Variants in EXOSC7 observed in about 807,000 individuals in gnomAD.
The protein encoded by EXOSC7 is exosome component 7.
Under a neutral mutation model 34.3 loss-of-function variants are expected in EXOSC7, and 25 were observed. That is an observed-to-expected ratio of 0.73 (90% CI 0.53 to 1.02). EXOSC7 has a LOEUF of 1.02. Among genes scored for constraint, EXOSC7 ranks in the 50% least tolerant of loss-of-function variants. The probability of loss-of-function intolerance (pLI) is 0.00; values close to 1 mark genes in which losing one functional copy is unlikely to be tolerated. For missense variants in EXOSC7, 370 were observed against 368.5 expected (o/e 1.00, Z -0.03); for synonymous variants, 130 against 143.0 (o/e 0.91, Z 0.65).
At chr3:44,978,354 G>C (rs1313150743) in intron 1 of EXOSC7, among the ~76,000 whole-genome samples, 1 of 152,092 alleles carries the variant, frequency 6.6e-6, no homozygotes, top group African/African-American at 2.4e-5. Context: ...TGCTCTGAAG[G>C]CTTCCCTAAG....
chr3:44,998,998 T>G (rs982753019), intron 4 of EXOSC7, among the ~76,000 whole-genome samples: 3 of 152,212 alleles, frequency 2.0e-5, no homozygotes, highest in African/African-American at 7.2e-5. Context: ...TAGAGAAAGT[T>G]AAGACACAAG....
chr3:45,006,404 G>GTTTTTTT (rs545281987), intron 6 of EXOSC7, among the ~76,000 whole-genome samples: 185 of 61,508 alleles, frequency 3.0e-3, no homozygotes, highest in Non-Finnish European at 4.1e-3. Context: ...TTGTTTATTT[G>GTTTTTTT]TTTTTTTTTT....
At position 45,007,564 on chromosome 3, in the gene EXOSC7, G is replaced by A. The variant is rs775668126; in HGVS notation, c.760G>A (p.Glu254Lys). ...CAGCCTGGACCCAGAGAGCATCTTCGAGATGATGGAGGTGAGGCCTTAGTT... is the reference window on the plus strand; with the variant it reads ...CAGCCTGGACCCAGAGAGCATCTTCAAGATGATGGAGGTGAGGCCTTAGTT... ...KGSLDPESIF[E>K]MMETGKRVGK... The change falls in exon 7 of 8, where the codon GAG becomes AAG. Residue 254 changes from glutamate to lysine, a missense_variant. Transcript: ENST00000265564. 14 of 1,607,638 alleles carry A rather than the reference G, an allele frequency of 8.7e-6. 1 individual carries two copies. Among genetic ancestry groups the A allele is most frequent in the South Asian group, 2.2e-5 (2 of 89,758 alleles).
At chr3:44,993,074 G>A (rs1223779749) in intron 3 of EXOSC7, among the ~76,000 whole-genome samples, 1 of 152,174 alleles carries the variant, frequency 6.6e-6, no homozygotes, top group Non-Finnish European at 1.5e-5. Context: ...AGGGGACACT[G>A]TTCCTGGCTG....
Position 45,001,584 on chromosome 3 carries a change from TA to T in EXOSC7, c.470del (p.Lys157ArgfsTer36), listed in dbSNP as rs1435078478. 2.5e-6 allele frequency: 4 copies of T among 1,613,216 alleles called. No individual in the cohort carries two copies. The highest frequency in any genetic ancestry group is 3.4e-6 in the Non-Finnish European group (4 of 1,179,278). Reference sequence around the variant, plus strand: ...TTGTTTGATGCCATTTCCATTGCTGTAAAGGCTGCTCTCTTCAATACAAGGT... The same window carrying T: ...TTGTTTGATGCCATTTCCATTGCTGTAAGGCTGCTCTCTTCAATACAAGGT... ...GNLFDAISIA[V>X]KAALFNTRIP... is the part of the protein sequence containing the mutation. On this transcript the variant is annotated frameshift_variant, in exon 5 of 8. Coordinates refer to ENST00000265564, the MANE Select transcript of EXOSC7 (RefSeq NM_015004.4). LOFTEE classifies it high-confidence loss of function.
rs529212909 is a variant in EXOSC7, at chr3:45,006,978, G to A, written c.616-442G>A. Among the ~76,000 whole-genome samples the A allele has an allele frequency of 1.8e-4, 28 of 152,168 alleles. No individual in the cohort carries two copies. The East Asian group carries it at 4.8e-3, about 26-fold the overall frequency. On this transcript the variant is annotated intron_variant, in intron 6 of 7. Coordinates refer to ENST00000265564, the MANE Select transcript of EXOSC7 (RefSeq NM_015004.4). ...GAGCTCAAGCATTCCATTTTCCTCA[G>A]CTTCCCAAAGTGCTGGGAGGCATGA...
intron 1 of EXOSC7, among the ~76,000 whole-genome samples, chr3:44,988,846 T>C (rs1215463005): frequency 3.3e-5 from 5 of 152,244 alleles, no homozygotes; most frequent in African/African-American, 1.2e-4. Context: ...GTGCATATTC[T>C]ATATAGTGGT....
intron 1 of EXOSC7, among the ~76,000 whole-genome samples, chr3:44,980,322 A>G (rs1706240329): frequency 6.6e-6 from 1 of 152,208 alleles, no homozygotes; most frequent in Admixed American, 6.5e-5. Flanking sequence ...TTTGATAAAT[A>G]ATTTGATTGG....
chr3:44,979,305 C>T (rs1706212509), intron 1 of EXOSC7, among the ~76,000 whole-genome samples: 1 of 152,344 alleles, frequency 6.6e-6, no homozygotes, highest in East Asian at 1.9e-4. Context: ...TGCCTGAACT[C>T]CTGTTGCTTG....
chr3:45,012,425 G>C (rs1697308023), downstream of EXOSC7: 1 of 152,274 alleles, frequency 6.6e-6, no homozygotes, highest in African/African-American at 2.4e-5. Flanking sequence ...AGAAGCAGCT[G>C]CCTAGACTTG....
intron 3 of EXOSC7, among the ~76,000 whole-genome samples, chr3:44,994,909 T>A (rs1369606520): frequency 7.3e-6 from 1 of 137,816 alleles, no homozygotes; most frequent in Non-Finnish European, 1.6e-5. Context: ...GTGTGTGTTT[T>A]AAGCCATTTA....
intron 6 of EXOSC7, among the ~76,000 whole-genome samples, chr3:45,006,068 CTTTTTTTTT>C (rs34869939): frequency 0.027 from 1,259 of 47,274 alleles, 13 homozygotes; most frequent in Middle Eastern, 0.079. Flanking sequence ...TGGGTCTTGG[CTTTTTTTTT>C]TTTTTTTTTT....
At position 44,976,327 on chromosome 3, in the gene EXOSC7, G is replaced by A; in HGVS notation, c.50G>A (p.Gly17Asp). The stretch of plus-strand genomic sequence containing the variant: ...GCGGAGAAGGTGTACATCGTGCATG[G>A]CGTCCAGGTAGCTACAGCAGCGGCG... The part of the protein sequence containing the change: ...SEAEKVYIVH[G>D]VQEDLRVDGR... The change falls in exon 1 of 8, where the codon GGC becomes GAC. Residue 17 changes from glycine to aspartate, a missense_variant. By Grantham distance (94) the Gly-to-Asp change is moderately conservative. Coordinates refer to ENST00000265564, the MANE Select transcript of EXOSC7 (RefSeq NM_015004.4). The A allele has an allele frequency of 6.4e-7, 1 of 1,571,170 alleles. No homozygotes were observed. Among genetic ancestry groups the A allele is most frequent in the Non-Finnish European group, 8.6e-7 (1 of 1,164,476 alleles).
At chr3:44,981,741 C>T (rs1706274399) in intron 1 of EXOSC7, among the ~76,000 whole-genome samples, 1 of 152,060 alleles carries the variant, frequency 6.6e-6, no homozygotes, top group Non-Finnish European at 1.5e-5. Flanking sequence ...AACATAGCAA[C>T]ACCCTATCTC....
chr3:45,007,293 A>G, intron 6 of EXOSC7, 127 bp from the exon 7 acceptor site: 1 of 958,222 alleles, frequency 1.0e-6, no homozygotes, highest in South Asian at 1.7e-5. Context: ...GCAGAATCTA[A>G]AATAAGACCT....
chr3:44,989,610 C>T lies in EXOSC7; in HGVS notation c.220C>T (p.Pro74Ser). The change falls in exon 3 of 8, where the codon CCA (proline) becomes TCA (serine). Residue 74 changes from proline to serine, a missense_variant. Physicochemically the swap from Pro to Ser is moderately conservative, Grantham distance 74 (BLOSUM62 -1). Coordinates refer to ENST00000265564, the MANE Select transcript of EXOSC7 (RefSeq NM_015004.4). ...AEMGTPKLEK[P>S]NEGYLEFFVD... ...AATGGGGACGCCGAAGCTGGAGAAA[C>T]CAAATGAAGGCTACTTGGAGTTCTT... The T allele has an allele frequency of 6.2e-7, 1 of 1,614,000 alleles. No individual in the cohort carries two copies. Among genetic ancestry groups the T allele is most frequent in the Non-Finnish European group, 8.5e-7 (1 of 1,179,924 alleles).
At chr3:44,994,860 TG>T (rs1706675713) in intron 3 of EXOSC7, among the ~76,000 whole-genome samples, 3 of 21,330 alleles carry the variant, frequency 1.4e-4, no homozygotes, top group African/African-American at 6.0e-4. Flanking sequence ...AGAATGGGTG[TG>T]TGTGTGTGTG....
At chr3:44,980,036 G>T (rs774263587) in intron 1 of EXOSC7, among the ~76,000 whole-genome samples, 2 of 151,816 alleles carry the variant, frequency 1.3e-5, no homozygotes, top group Non-Finnish European at 2.9e-5. Context: ...AGGGGCCAGG[G>T]GAGGAAACAG....
intron 7 of EXOSC7, among the ~76,000 whole-genome samples, chr3:45,010,578 T>C (rs1017809058): frequency 3.3e-5 from 5 of 152,188 alleles, no homozygotes; most frequent in Non-Finnish European, 1.5e-5. Flanking sequence ...TGTTTTGTTT[T>C]TGTTTTTGTT....
Sources: allele counts gnomAD v4.1 joint callset (sites outside exome capture counted in the v4.1 genomes callset), GRCh38; gene constraint gnomAD v4.1.1; transcripts MANE v1.5; gene names NCBI Gene and HGNC (gene_info 2026-07-23, HGNC 2026-07-21).